Variants in NHSL1 observed in about 807,000 individuals in gnomAD.
NHSL1 encodes the protein NHS like 1.
A neutral mutation model predicts 95.0 loss-of-function variants in NHSL1; 48 were observed. The observed-to-expected ratio is 0.51, with a 90% CI of 0.40 to 0.64. The LOEUF (loss-of-function observed/expected upper bound fraction) is 0.64. Ranked by LOEUF, NHSL1 falls within the 30% of genes least tolerant of loss-of-function variation. NHSL1 has a pLI of 0.00. For synonymous variants in NHSL1, 783 were observed against 833.9 expected, an observed-to-expected ratio of 0.94 and a Z score of 1.05; for missense variants, 1,971 against 2,077.7, an observed-to-expected ratio of 0.95 and a Z score of 1.00.
At position 138,460,017 on chromosome 6, in the gene NHSL1, C is replaced by G. The variant is rs148104053; in HGVS notation, c.340-12824G>C. 2.0e-4 allele frequency among the ~76,000 whole-genome samples: 30 copies of G among 152,240 alleles called. No homozygotes were observed. In the East Asian group the frequency reaches 4.4e-3, roughly 23 times the overall value. ...TGAGTGAGACTGGCCAGTTAATTTT[C>G]TGCTTTGTACAGTCTTTGCCAGGTT... On this transcript the variant is annotated intron_variant, in intron 3 of 7. Transcript: ENST00000343505.
intron 3 of NHSL1, among the ~76,000 whole-genome samples, chr6:138,450,930 C>T (rs1777192593): frequency 1.3e-5 from 2 of 152,120 alleles, no homozygotes; most frequent in Non-Finnish European, 2.9e-5. Flanking sequence ...ATAGTAATAC[C>T]GGATTATTAC....
chr6:138,482,492 T>C (rs537045429), intron 2 of NHSL1, among the ~76,000 whole-genome samples: 4 of 149,938 alleles, frequency 2.7e-5, no homozygotes, highest in Admixed American at 2.0e-4. Flanking sequence ...TCTAGACTTA[T>C]ACCACCAGAA....
At chr6:138,657,725 G>GT (rs1785174621) in intron 1 of NHSL1, among the ~76,000 whole-genome samples, 1 of 145,408 alleles carries the variant, frequency 6.9e-6, no homozygotes, top group Non-Finnish European at 1.5e-5. Flanking sequence ...AGAGGCAGGA[G>GT]AATGGTGTGA....
chr6:138,684,837 C>A (rs1785564454), intron 1 of NHSL1, among the ~76,000 whole-genome samples: 1 of 152,220 alleles, frequency 6.6e-6, no homozygotes, highest in African/African-American at 2.4e-5. Flanking sequence ...TACCCTCCTG[C>A]TGCATCTGAA....
intron 3 of NHSL1, among the ~76,000 whole-genome samples, chr6:138,450,403 G>C (rs1777153032): frequency 6.6e-6 from 1 of 152,176 alleles, no homozygotes; most frequent in Admixed American, 6.5e-5. Flanking sequence ...TAACCAGAAA[G>C]GTTTAAAAGA....
chr6:138,649,665 T>C (rs1785063154), intron 1 of NHSL1, among the ~76,000 whole-genome samples: 1 of 152,168 alleles, frequency 6.6e-6, no homozygotes, highest in Non-Finnish European at 1.5e-5. Flanking sequence ...TGATTTCCCA[T>C]TCAGAGGAAG....
At chr6:138,671,521 G>A (rs181053567) in intron 1 of NHSL1, among the ~76,000 whole-genome samples, 3 of 152,078 alleles carry the variant, frequency 2.0e-5, no homozygotes, top group Admixed American at 6.5e-5. Context: ...AGTGATTAGG[G>A]GAGACAGGCA....
At position 138,507,198 on chromosome 6, in the gene NHSL1, G is replaced by A. The variant is rs77077325; in HGVS notation, c.17-10827C>T. Among the ~76,000 whole-genome samples the A allele has an allele frequency of 6.2e-3, 938 of 152,300 alleles. 22 individuals are homozygous for A. Among genetic ancestry groups the A allele is most frequent in the Admixed American group, 0.047 (725 of 15,290 alleles). On this transcript the variant is annotated intron_variant, in intron 1 of 4. Coordinates refer to the NHSL1 transcript ENST00000342260. ...AACACTAATGGTGGGCAACTGATAT[G>A]TTATGTCCACTGATGTGATGAAATA... is the stretch of plus-strand genomic sequence containing the variant.
At chr6:138,650,967 C>T (rs559810537) in intron 1 of NHSL1, 3 of 524,504 alleles carry the variant, frequency 5.7e-6, no homozygotes, top group Admixed American at 4.0e-5. Flanking sequence ...ACCTTCCTCC[C>T]CAGCACATAA....
At chr6:138,580,899 G>A (rs1323851147) in intron 1 of NHSL1, among the ~76,000 whole-genome samples, 1 of 152,204 alleles carries the variant, frequency 6.6e-6, no homozygotes, top group Non-Finnish European at 1.5e-5. Context: ...GGCTATAAAC[G>A]CAATCACATG....
chr6:138,662,838 A>G (rs1023872821), intron 1 of NHSL1, among the ~76,000 whole-genome samples: 2 of 152,164 alleles, frequency 1.3e-5, no homozygotes, highest in Non-Finnish European at 1.5e-5. Context: ...TCATGTACCT[A>G]TACCTGTTGT....
chr6:138,650,835 C>A, intron 1 of NHSL1: 1 of 541,196 alleles, frequency 1.8e-6, no homozygotes, highest in Non-Finnish European at 3.8e-6. Context: ...CTTCATGCTA[C>A]CCAGGTCACA....
intron 5 of NHSL1, among the ~76,000 whole-genome samples, chr6:138,441,678 G>T (rs1248107480): frequency 6.6e-6 from 1 of 152,132 alleles, no homozygotes; most frequent in Non-Finnish European, 1.5e-5. Flanking sequence ...TTAATTGTGG[G>T]AATAGCCAAT....
At chr6:138,590,446 C>T (rs191316306) in intron 1 of NHSL1, among the ~76,000 whole-genome samples, 84 of 152,314 alleles carry the variant, frequency 5.5e-4, no homozygotes, top group African/African-American at 1.9e-3. Flanking sequence ...TTTCCCCTCA[C>T]TCCCTGAGGA....
chr6:138,615,825 C>T (rs1445528934), intron 1 of NHSL1, among the ~76,000 whole-genome samples: 4 of 152,186 alleles, frequency 2.6e-5, no homozygotes, highest in African/African-American at 7.2e-5. Flanking sequence ...CAAATCCAAA[C>T]GGATACCAAC....
intron 1 of NHSL1, among the ~76,000 whole-genome samples, chr6:138,509,245 A>G (rs1016209864): frequency 2.0e-5 from 3 of 152,268 alleles, no homozygotes; most frequent in Admixed American, 1.3e-4. Flanking sequence ...TCGAAATTTT[A>G]TAGAAAAAAA....
At chr6:138,544,595 T>G (rs550993076) in intron 1 of NHSL1, among the ~76,000 whole-genome samples, 2 of 152,292 alleles carry the variant, frequency 1.3e-5, no homozygotes, top group African/African-American at 4.8e-5. Context: ...GAACAGACTT[T>G]GAGGACAAAG....
At chr6:138,475,969 C>T (rs1779043926) in intron 2 of NHSL1, among the ~76,000 whole-genome samples, 1 of 151,784 alleles carries the variant, frequency 6.6e-6, no homozygotes, top group African/African-American at 2.4e-5. Flanking sequence ...TCTCAAAAAA[C>T]AAAACAAAAC....
chr6:138,669,993 T>A (rs186472634), intron 1 of NHSL1, among the ~76,000 whole-genome samples: 136 of 152,212 alleles, frequency 8.9e-4, no homozygotes, highest in African/African-American at 3.2e-3. Flanking sequence ...TGGTAACATG[T>A]GCCTGTAATC....
Sources: gnomAD v4.1 joint callset for allele counts (sites outside exome capture counted in the v4.1 genomes callset) on GRCh38, gnomAD v4.1.1 for gene constraint, MANE v1.5 for transcripts, NCBI Gene and HGNC (gene_info 2026-07-23, HGNC 2026-07-21) for gene names.